The following KIF11 variants were observed in gnomAD, a reference collection of about 807,000 sequenced individuals.
KIF11 encodes kinesin family member 11.
In KIF11, 9 loss-of-function variants were observed where a neutral mutation model predicts 121.0. That is an observed-to-expected ratio of 0.07 (90% CI 0.04 to 0.13). KIF11 has a LOEUF of 0.13. Ranked by LOEUF, KIF11 falls within the 10% of genes least tolerant of loss-of-function variation. The pLI is 1.00. For missense variants in KIF11, 846 were observed against 1,217.5 expected (o/e 0.69, Z 4.54); for synonymous variants, 408 against 421.0 (o/e 0.97, Z 0.38).
chr10:92,618,975 G>A (rs993911731), intron 9 of KIF11, among the ~76,000 whole-genome samples: 1 of 151,842 alleles, frequency 6.6e-6, no homozygotes, highest in Non-Finnish European at 1.5e-5. Flanking sequence ...TTATTGATTG[G>A]AATCATACAT....
chr10:92,608,965 A>G (rs1844461706), intron 4 of KIF11, 55 bp from the exon 5 acceptor site: 6 of 1,005,926 alleles, frequency 6.0e-6, no homozygotes, highest in Middle Eastern at 6.7e-4. Context: ...CATGTATTTT[A>G]ACTGCCACAG....
rs1844940928 is a variant in KIF11 at position 92,648,119 on chromosome 10, A to G, written c.2548-93A>G. On this transcript the variant is annotated intron_variant, in intron 18 of 21. Coordinates refer to ENST00000260731, the MANE Select transcript of KIF11 (RefSeq NM_004523.4). Reference sequence around the variant, plus strand: ...GTGAGACTTGTCTCCAAAAAAAAAAAAAATTATGGAAAAGGTAAGGGAAAA... The same window carrying G: ...GTGAGACTTGTCTCCAAAAAAAAAAGAAATTATGGAAAAGGTAAGGGAAAA... 8 of 941,610 alleles carry G rather than the reference A, an allele frequency of 8.5e-6. No individual in the cohort carries two copies. In the East Asian group the frequency reaches 1.9e-4, roughly 22 times the overall value. The allele number at this position is 941,610 out of a possible 1,614,324, so 58.3% of individuals were successfully genotyped here. A position where few individuals can be genotyped will look rare whatever the true frequency, so the allele number is the denominator to read the frequency against.
Position 92,609,287 on chromosome 10 carries a change from AGAGAGAGAGAGAGAGAGT to A in KIF11, c.573+84_574-79del, listed in dbSNP as rs1223403005. 6.7e-4 allele frequency: 901 copies of A among 1,347,672 alleles called. 8 individuals carry two copies. The African/African-American group carries it at 0.013, about 20-fold the overall frequency. The allele number at this position is 1,347,672 out of a possible 1,614,324, so 83.5% of individuals were successfully genotyped here. On this transcript the variant is annotated intron_variant, in intron 5 of 21. Coordinates refer to ENST00000260731, the MANE Select transcript of KIF11 (RefSeq NM_004523.4). The stretch of plus-strand genomic sequence containing the variant: ...AAGTCAGAGAGAGAGAGAGAGAGAG[AGAGAGAGAGAGAGAGAGT>A]GTGTGTGTGTGTGTGTGTGTGTGTG...
chr10:92,651,697 C>T (rs1267889307), intron 21 of KIF11, among the ~76,000 whole-genome samples: 1 of 151,546 alleles, frequency 6.6e-6, no homozygotes, highest in African/African-American at 2.4e-5. Flanking sequence ...CTGTTGAGAA[C>T]ATAGTTGGTT....
chr10:92,650,031 C>T, intron 20 of KIF11, 45 bp downstream of exon 20: 1 of 1,444,980 alleles, frequency 6.9e-7, no homozygotes. Context: ...CTTTTATGAA[C>T]TCTTGATGTG....
chr10:92,638,272 C>A (rs946077092), intron 16 of KIF11, among the ~76,000 whole-genome samples: 1 of 152,086 alleles, frequency 6.6e-6, no homozygotes, highest in Admixed American at 6.5e-5. Context: ...GATATAAATT[C>A]TATTACTAGT....
At chr10:92,625,690 G>A (rs910370388) in intron 10 of KIF11, among the ~76,000 whole-genome samples, 1 of 152,082 alleles carries the variant, frequency 6.6e-6, no homozygotes, top group African/African-American at 2.4e-5. Context: ...CATAGTCTCT[G>A]TCCATAAGCT....
intron 6 of KIF11, 41 bp downstream of exon 6, chr10:92,609,550 T>C (rs1844472422): frequency 6.4e-7 from 1 of 1,561,680 alleles, no homozygotes; most frequent in Non-Finnish European, 8.6e-7. Flanking sequence ...CATTTTCTTT[T>C]AAGAAGAATT....
At chr10:92,651,513 T>C (rs1564719274) in intron 21 of KIF11, among the ~76,000 whole-genome samples, 1 of 43,786 alleles carries the variant, frequency 2.3e-5, no homozygotes, top group African/African-American at 2.0e-4. Context: ...TTTTGTTTTT[T>C]TTTTTTTTTT....
intron 1 of KIF11, among the ~76,000 whole-genome samples, chr10:92,605,138 G>A (rs1032504139): frequency 2.6e-5 from 4 of 152,110 alleles, no homozygotes; most frequent in African/African-American, 9.7e-5. Flanking sequence ...AGGATAGAAA[G>A]GACTTCCTGA....
intron 12 of KIF11, among the ~76,000 whole-genome samples, 167 bp downstream of exon 12, chr10:92,630,531 C>T (rs751868473): frequency 3.9e-5 from 6 of 152,114 alleles, no homozygotes; most frequent in East Asian, 1.9e-4. Flanking sequence ...CTGGAGATGT[C>T]GACTTATGAA....
At chr10:92,648,898 T>C (rs1419608252) in intron 19 of KIF11, among the ~76,000 whole-genome samples, 2 of 152,198 alleles carry the variant, frequency 1.3e-5, no homozygotes, top group African/African-American at 4.8e-5. Context: ...CATTTAGGAA[T>C]CAACATTTTG....
Position 92,593,172 on chromosome 10 carries a change from G to C in KIF11, c.-204G>C. On this transcript the variant is annotated 5_prime_UTR_variant, in exon 1 of 22. Coordinates refer to ENST00000260731, the MANE Select transcript of KIF11 (RefSeq NM_004523.4). ...GCGGAGACGAGATTAGTGATTTGGC[G>C]GCTCCGACTGGCGCGGGACAAACGC... 1.8e-6 allele frequency: 1 copy of C among 541,690 alleles called. No homozygotes were observed. The highest frequency in any genetic ancestry group is 2.4e-5 in the South Asian group (1 of 41,820). The allele number at this position is 541,690 out of a possible 1,614,324, so 33.6% of individuals were successfully genotyped here.
At chr10:92,602,531 G>A (rs970834135) in intron 1 of KIF11, among the ~76,000 whole-genome samples, 2 of 151,930 alleles carry the variant, frequency 1.3e-5, no homozygotes, top group Non-Finnish European at 2.9e-5. Flanking sequence ...TGGGTTATCC[G>A]ATTTGTTGGC....
At chr10:92,609,738 CTT>C (rs1167166775) in intron 6 of KIF11, among the ~76,000 whole-genome samples, 1 of 151,774 alleles carries the variant, frequency 6.6e-6, no homozygotes, top group Non-Finnish European at 1.5e-5. Context: ...AAGTATTAAA[CTT>C]TTTTTTCTTT....
chr10:92,620,287 A>T (rs1224149812), intron 9 of KIF11, among the ~76,000 whole-genome samples: 1 of 151,942 alleles, frequency 6.6e-6, no homozygotes, highest in East Asian at 1.9e-4. Context: ...TCACCATGTT[A>T]GCCAGGATAG....
chr10:92,651,507 G>GTATTTTTTTTTTTTTTTTTT (rs1554863366), intron 21 of KIF11, among the ~76,000 whole-genome samples: 1 of 52,974 alleles, frequency 1.9e-5, no homozygotes, highest in East Asian at 9.2e-4. Context: ...GGCTAATTTT[G>GTATTTTTTTTTTTTTTTTTT]TTTTTTTTTT....
intron 8 of KIF11, among the ~76,000 whole-genome samples, chr10:92,615,569 G>C (rs1844546109): frequency 6.6e-6 from 1 of 151,986 alleles, no homozygotes; most frequent in Non-Finnish European, 1.5e-5. Context: ...CAAAATCTAA[G>C]TTTTGAACAT....
chr10:92,653,876 A>G lies in KIF11; in HGVS notation c.*80A>G. On this transcript the variant is annotated 3_prime_UTR_variant, in exon 22 of 22. Coordinates refer to ENST00000260731, the MANE Select transcript of KIF11 (RefSeq NM_004523.4). ...AAACCCCAGAACTTGAGCCTTGTGT[A>G]TAGATTTTAAAAGAATATATATATC... The G allele has an allele frequency of 7.6e-7, 1 of 1,307,866 alleles. No homozygotes were observed. The highest frequency in any genetic ancestry group is 1.3e-5 in the South Asian group (1 of 74,190). The allele number at this position is 1,307,866 out of a possible 1,614,324, so 81.0% of individuals were successfully genotyped here.
Sources: allele counts gnomAD v4.1 joint callset (sites outside exome capture counted in the v4.1 genomes callset), GRCh38; gene constraint gnomAD v4.1.1; transcripts MANE v1.5; gene names NCBI Gene and HGNC (gene_info 2026-07-23, HGNC 2026-07-21).